Variants in RAB28 observed in about 807,000 individuals in gnomAD.
RAB28 encodes ras-related protein Rab-28.
In RAB28, 24 loss-of-function variants were observed where a neutral mutation model predicts 31.7. That is an observed-to-expected ratio of 0.76 (90% CI 0.55 to 1.06). The LOEUF (loss-of-function observed/expected upper bound fraction) is 1.06, where lower values mean the gene tolerates loss of function less well. Ranked by LOEUF, RAB28 falls within the 50% of genes least tolerant of loss-of-function variation. The probability of loss-of-function intolerance (pLI) is 0.00; values close to 1 mark genes in which losing one functional copy is unlikely to be tolerated. For synonymous variants in RAB28, 100 were observed against 90.4 expected, an observed-to-expected ratio of 1.11 and a Z score of -0.60; for missense variants, 254 against 258.5, an observed-to-expected ratio of 0.98 and a Z score of 0.12.
intron 3 of RAB28, among the ~76,000 whole-genome samples, chr4:13,462,997 T>C (rs917792100): frequency 6.6e-6 from 1 of 152,210 alleles, no homozygotes; most frequent in Non-Finnish European, 1.5e-5. Context: ...TCTATTGATC[T>C]TGGGCAACAT....
intron 1 of RAB28, among the ~76,000 whole-genome samples, chr4:13,483,059 T>C (rs1473161856): frequency 6.6e-6 from 1 of 152,154 alleles, no homozygotes; most frequent in Non-Finnish European, 1.5e-5. Context: ...TTTAGCAATA[T>C]TCCCAGAAAG....
rs1007543556 is a variant in RAB28 at position 13,384,390 on chromosome 4, C to T, written c.392-2796G>A. ...CCCCACCGTGCTGCTGCTGCTGCTG[C>T]TGCTAGCACATGCAAACAAGGACAA... On this transcript the variant is annotated intron_variant, in intron 4 of 6. Transcript: ENST00000330852. 5.3e-5 allele frequency among the ~76,000 whole-genome samples: 8 copies of T among 152,352 alleles called. 1 individual carries two copies. In the Middle Eastern group the frequency reaches 0.014, roughly 259 times the overall value.
At chr4:13,381,096 T>C (rs1729109197) in intron 5 of RAB28, among the ~76,000 whole-genome samples, 1 of 151,958 alleles carries the variant, frequency 6.6e-6, no homozygotes, top group African/African-American at 2.4e-5. Context: ...CTAAGACTCA[T>C]CTATAAAATG....
At chr4:13,455,440 G>A (rs1035259947) in intron 4 of RAB28, among the ~76,000 whole-genome samples, 8 of 152,230 alleles carry the variant, frequency 5.3e-5, no homozygotes, top group Non-Finnish European at 1.2e-4. Context: ...CCGATCATGG[G>A]CCCAGGCTCT....
At chr4:13,481,799 A>T (rs1716619084) in intron 1 of RAB28, among the ~76,000 whole-genome samples, 1 of 152,106 alleles carries the variant, frequency 6.6e-6, no homozygotes, top group South Asian at 2.1e-4. Context: ...GTGTTGAAAA[A>T]TGCTCAGAGT....
At chr4:13,417,531 C>T (rs542267411) in intron 4 of RAB28, among the ~76,000 whole-genome samples, 12 of 152,280 alleles carry the variant, frequency 7.9e-5, no homozygotes, top group East Asian at 7.7e-4. Flanking sequence ...CCTTCTGGGA[C>T]GAAGCTTACA....
chr4:13,381,867 G>A (rs767933728), intron 4 of RAB28, among the ~76,000 whole-genome samples: 3 of 152,040 alleles, frequency 2.0e-5, no homozygotes, highest in South Asian at 2.1e-4. Flanking sequence ...AAAAATGTGC[G>A]CTATCATTAT....
At chr4:13,415,347 TG>T (rs1014008637) in intron 4 of RAB28, among the ~76,000 whole-genome samples, 1 of 152,186 alleles carries the variant, frequency 6.6e-6, no homozygotes, top group African/African-American at 2.4e-5. Flanking sequence ...AGCCCCTTCC[TG>T]GGCTGGCTGA....
At chr4:13,408,715 G>A (rs1456156754) in intron 4 of RAB28, among the ~76,000 whole-genome samples, 4 of 152,086 alleles carry the variant, frequency 2.6e-5, no homozygotes, top group African/African-American at 7.2e-5. Flanking sequence ...GCAAGTATGA[G>A]TGATTTTTTT....
At chr4:13,433,127 T>A (rs1352712181) in intron 4 of RAB28, among the ~76,000 whole-genome samples, 2 of 144,090 alleles carry the variant, frequency 1.4e-5, no homozygotes, top group South Asian at 4.3e-4. Context: ...AGATCTATCA[T>A]GCAAATGAAA....
intron 4 of RAB28, among the ~76,000 whole-genome samples, chr4:13,398,086 A>G (rs536457055): frequency 2.0e-5 from 3 of 152,272 alleles, no homozygotes; most frequent in Non-Finnish European, 4.4e-5. Flanking sequence ...TGGATAATGC[A>G]TAACTATTTC....
At chr4:13,438,342 G>A (rs961557722) in intron 4 of RAB28, among the ~76,000 whole-genome samples, 1 of 152,022 alleles carries the variant, frequency 6.6e-6, no homozygotes, top group Non-Finnish European at 1.5e-5. Context: ...TATTCACTAG[G>A]TTGTGCAACC....
intron 5 of RAB28, 76 bp downstream of exon 5, chr4:13,381,415 T>C (rs1022496970): frequency 1.2e-5 from 12 of 1,030,876 alleles, no homozygotes; most frequent in East Asian, 2.5e-5. Flanking sequence ...AAAAGTTAAA[T>C]AGTGGAAGTA....
chr4:13,472,862 TAC>T (rs1358277916), intron 3 of RAB28, among the ~76,000 whole-genome samples: 5 of 130,722 alleles, frequency 3.8e-5, no homozygotes, highest in Admixed American at 3.1e-4. Flanking sequence ...AAAAAAGCCA[TAC>T]ACAAAATTCT....
intron 4 of RAB28, among the ~76,000 whole-genome samples, chr4:13,415,657 C>G (rs1712726900): frequency 2.0e-5 from 3 of 152,220 alleles, no homozygotes; most frequent in South Asian, 2.1e-4. Context: ...TCCCCCGCCC[C>G]CTCCAACCAC....
chr4:13,375,768 AACACACACAC>A (rs377543521), intron 6 of RAB28, among the ~76,000 whole-genome samples: 145 of 148,166 alleles, frequency 9.8e-4, no homozygotes, highest in African/African-American at 3.3e-3. Flanking sequence ...ATTGTTTTAA[AACACACACAC>A]ACACACACAC....
At chr4:13,431,059 TA>T (rs1713782495) in intron 4 of RAB28, among the ~76,000 whole-genome samples, 1 of 152,116 alleles carries the variant, frequency 6.6e-6, no homozygotes, top group African/African-American at 2.4e-5. Context: ...CTTTTCATGG[TA>T]GCTCCACCGT....
chr4:13,403,908 A>G (rs540455832), intron 4 of RAB28, among the ~76,000 whole-genome samples: 1 of 152,342 alleles, frequency 6.6e-6, no homozygotes, highest in African/African-American at 2.4e-5. Context: ...ATTTTAGAAA[A>G]GTTTTTAAAT....
At chr4:13,415,289 C>T (rs1363197198) in intron 4 of RAB28, among the ~76,000 whole-genome samples, 1 of 152,230 alleles carries the variant, frequency 6.6e-6, no homozygotes, top group Non-Finnish European at 1.5e-5. Context: ...TCTGCCTGAG[C>T]TCCCACTTTG....
Sources: gnomAD v4.1 joint callset for allele counts (sites outside exome capture counted in the v4.1 genomes callset) on GRCh38, gnomAD v4.1.1 for gene constraint, MANE v1.5 for transcripts, NCBI Gene and HGNC (gene_info 2026-07-23, HGNC 2026-07-21) for gene names.